The following DCHS1 variants were observed in gnomAD, a reference collection of about 807,000 sequenced individuals.
DCHS1 encodes the protein dachsous cadherin-related 1.
A neutral mutation model predicts 213.9 loss-of-function variants in DCHS1; 78 were observed. The ratio of observed to expected loss-of-function variants is 0.36; its 90% CI spans 0.30 to 0.44. The LOEUF (loss-of-function observed/expected upper bound fraction) is 0.44, where lower values mean the gene tolerates loss of function less well. DCHS1 is among the 20% of genes least tolerant of loss of function. The pLI is 1.00. For synonymous variants in DCHS1, 1,828 were observed against 1,873.7 expected, an observed-to-expected ratio of 0.98 and a Z score of 0.63; for missense variants, 3,946 against 4,395.9, an observed-to-expected ratio of 0.90 and a Z score of 2.89.
chr11:6,645,287 TGAA>T (rs1856139385), intron 1 of DCHS1, among the ~76,000 whole-genome samples: 1 of 152,104 alleles, frequency 6.6e-6, no homozygotes, highest in Non-Finnish European at 1.5e-5. Context: ...AGGCCTGATC[TGAA>T]GAAGGGAGAG....
chr11:6,623,374 G>C lies in DCHS1; in HGVS notation c.8302C>G (p.Arg2768Gly), dbSNP rs368211314. The C allele has an allele frequency of 6.3e-7, 1 of 1,597,740 alleles. No individual in the cohort carries two copies. The highest frequency in any genetic ancestry group is 1.1e-5 in the South Asian group (1 of 88,416). The change falls in exon 21 of 21, where the codon CGT (arginine) becomes GGT (glycine). Residue 2768 changes from arginine to glycine, a missense_variant. Arg to Gly is a moderately radical substitution (Grantham distance 125, BLOSUM62 -2). Around this residue, in one of 3 missense-constraint regions of DCHS1, gnomAD observed 3,384 missense variants for 3,780.1 expected, o/e 0.90. Coordinates refer to ENST00000299441, the MANE Select transcript of DCHS1 (RefSeq NM_003737.4). ...TCATAGTCAAAGGGCACTCGCGCAC[G>C]CAACTCCCCTGTTGAGCTGTTCAGT... ...FALNSSTGEL[R>G]ARVPFDYEHT...
rs565681639 is a variant in DCHS1, at chr11:6,628,229, T to C, written c.5371+392A>G. ...AAATACTGGCAAGCTGTATACTTCA[T>C]TGGCTTGTTTCACAATCATATTTTA... is the stretch of plus-strand genomic sequence containing the variant. On this transcript the variant is annotated intron_variant, in intron 13 of 20. Transcript: ENST00000299441. This position sits in a 1 kb window ranked among gnomAD's most constrained non-coding sequence, Gnocchi z 4.3. 2.0e-5 allele frequency among the ~76,000 whole-genome samples: 3 copies of C among 152,368 alleles called. No homozygotes were observed. Among genetic ancestry groups the C allele is most frequent in the African/African-American group, 4.8e-5 (2 of 41,582 alleles).
rs1468908323 is a variant in DCHS1, at chr11:6,633,875, T to A, written c.2132A>T (p.Asp711Val). 5 of 1,613,914 alleles carry A rather than the reference T, an allele frequency of 3.1e-6. No homozygotes were observed. In the East Asian group the frequency reaches 1.1e-4, roughly 36 times the overall value. ...TCGCCCATGGGATCCCTGGTCAGGG[T>A]CATGGGCACGCAACCTCAGCACAGC... Reference protein sequence around the residue: ...GTAVLRLRAHDPDQGSHGRLS... With the variant: ...GTAVLRLRAHVPDQGSHGRLS... The change falls in exon 4 of 21, where the codon GAC (aspartate) becomes GTC (valine). Residue 711 changes from aspartate to valine, a missense_variant. Physicochemically the swap from Asp to Val is radical, Grantham distance 152. This residue lies in a region of DCHS1 where 3,384 missense variants were observed against 3,780.1 expected (regional missense o/e 0.90). Transcript: ENST00000299441.
In DCHS1 at chr11:6,629,446, A is replaced by G. The variant is rs1404088614; in HGVS notation, c.5161+6T>C. 8 of 1,612,806 alleles carry G rather than the reference A, an allele frequency of 5.0e-6. No individual in the cohort carries two copies. In the South Asian group the frequency reaches 8.8e-5, roughly 18 times the overall value. On this transcript the variant is annotated splice_donor_region_variant and intron_variant, in intron 12 of 20. Coordinates refer to ENST00000299441, the MANE Select transcript of DCHS1 (RefSeq NM_003737.4). ...CTCAGGCTCTTGGGGTCCTGTCAAC[A>G]TGTACCTGTCAGGTTGATCTCCTCC...
At chr11:6,648,384 T>C (rs575689647) in intron 1 of DCHS1, among the ~76,000 whole-genome samples, 34 of 152,322 alleles carry the variant, frequency 2.2e-4, no homozygotes, top group Admixed American at 3.9e-4. Context: ...ATCGATAATG[T>C]CCAATGCTGC....
Position 6,633,942 on chromosome 11 carries a change from C to T in DCHS1, c.2065G>A (p.Glu689Lys). The T allele has an allele frequency of 6.2e-7, 1 of 1,614,000 alleles. No individual in the cohort carries two copies. The highest frequency in any genetic ancestry group is 8.5e-7 in the Non-Finnish European group (1 of 1,179,896). ...NDNPPQFYPR[E>K]YAASISAQSP... ...TGGGCACTTATACTGGCAGCATACT[C>T]CCGTGGATAAAACTGAGGAGGGTTG... The change falls in exon 4 of 21, where the codon GAG (glutamate) becomes AAG (lysine). Residue 689 changes from glutamate (E) to lysine (K), a missense_variant. Around this residue, in one of 3 missense-constraint regions of DCHS1, gnomAD observed 3,384 missense variants for 3,780.1 expected, o/e 0.90. Coordinates refer to ENST00000299441, the MANE Select transcript of DCHS1 (RefSeq NM_003737.4).
At chr11:6,654,998 C>A (rs903664969) in intron 1 of DCHS1, among the ~76,000 whole-genome samples, 12 of 152,148 alleles carry the variant, frequency 7.9e-5, no homozygotes, top group South Asian at 6.2e-4. Flanking sequence ...GTGACCCCCC[C>A]CTCCATCCAC....
rs1395277941 is a variant in DCHS1, at chr11:6,628,848, C to T, written c.5162-18G>A. On this transcript the variant is annotated intron_variant, in intron 12 of 20. Transcript: ENST00000299441. This position sits in a 1 kb window ranked among gnomAD's most constrained non-coding sequence, Gnocchi z 4.3. Reference sequence around the variant, plus strand: ...GGCATACACTGTGGGGAAGCAAAATCAATGAGGTCTAGTCTGCCCTCACCA... The same window carrying T: ...GGCATACACTGTGGGGAAGCAAAATTAATGAGGTCTAGTCTGCCCTCACCA... The T allele has an allele frequency of 6.2e-7, 1 of 1,606,212 alleles. No homozygotes were observed. The highest frequency in any genetic ancestry group is 8.5e-7 in the Non-Finnish European group (1 of 1,175,924).
chr11:6,647,339 C>A (rs1206859500), intron 1 of DCHS1, among the ~76,000 whole-genome samples: 1 of 151,986 alleles, frequency 6.6e-6, no homozygotes, highest in African/African-American at 2.4e-5. Flanking sequence ...GCGTGCTGGG[C>A]CAGAGCTGGA....
At chr11:6,645,037 G>A (rs1468840162) in intron 1 of DCHS1, among the ~76,000 whole-genome samples, 1 of 152,212 alleles carries the variant, frequency 6.6e-6, no homozygotes, top group East Asian at 1.9e-4. Flanking sequence ...CATTATGTCC[G>A]TAATCTGTAA....
At chr11:6,624,515 G>T in intron 20 of DCHS1, 125 bp from the exon 21 acceptor site, 1 of 1,302,872 alleles carries the variant, frequency 7.7e-7, no homozygotes, top group Non-Finnish European at 1.0e-6. Context: ...TATCTGCTGG[G>T]AGACAAGGGG....
chr11:6,629,784 G>T lies in DCHS1; in HGVS notation c.4923C>A (p.Asp1641Glu). ...GGAAAGTAGGCGCCTCGTCGTTGAC[G>T]TCAGCGACACTGACGGTCAGGACCT... The part of the protein sequence containing the change: ...ATQVLTVSVA[D>E]VNDEAPTFQQ... The change falls in exon 11 of 21, where the codon GAC becomes GAA. Residue 1641 changes from aspartate (D) to glutamate (E), a missense_variant. Coordinates refer to ENST00000299441, the MANE Select transcript of DCHS1 (RefSeq NM_003737.4). 6.2e-7 allele frequency: 1 copy of T among 1,613,650 alleles called. No homozygotes were observed. Among genetic ancestry groups the T allele is most frequent in the Non-Finnish European group, 8.5e-7 (1 of 1,179,898 alleles).
Position 6,624,341 on chromosome 11 carries a change from T to C in DCHS1, c.7335A>G (p.Ser2445=), listed in dbSNP as rs1478266371. 1 of 1,580,486 alleles carries C rather than the reference T, an allele frequency of 6.3e-7. No individual in the cohort carries two copies. Residue 2445 remains serine (S), a synonymous_variant, in exon 21 of 21, where the codon TCA becomes TCG. Transcript: ENST00000299441. ...CTTCCAGCACCACATCCACTGCTCC[T>C]GACCCGTCATGGCCCAAGGCCACTG... is the stretch of plus-strand genomic sequence containing the variant. The part of the protein sequence containing the change: ...VGTVALGHDG[S]GAVDVVLEAR...
intron 1 of DCHS1, among the ~76,000 whole-genome samples, chr11:6,652,131 C>T (rs1047052925): frequency 2.6e-5 from 4 of 152,056 alleles, no homozygotes; most frequent in Admixed American, 2.6e-4. Flanking sequence ...AGGAGGAGCT[C>T]CAGAAGAGAT....
chr11:6,642,093 T>C (rs186623652), intron 1 of DCHS1, among the ~76,000 whole-genome samples: 4 of 152,310 alleles, frequency 2.6e-5, no homozygotes, highest in Admixed American at 2.6e-4. Flanking sequence ...TCTATAACCA[T>C]GTATTTGGTA....
At position 6,626,776 on chromosome 11, in the gene DCHS1, G is replaced by A. The variant is rs560419283; in HGVS notation, c.6250+13C>T. ...TGGGAGTCTGAATCTGGAAGAAATGGCTGGGGACCCACCTGGGGGCGCATT... is the reference window on the plus strand; with the variant it reads ...TGGGAGTCTGAATCTGGAAGAAATGACTGGGGACCCACCTGGGGGCGCATT... On this transcript the variant is annotated intron_variant, in intron 14 of 20. Transcript: ENST00000299441. This position sits in a 1 kb window ranked among gnomAD's most constrained non-coding sequence, Gnocchi z 5.2. 14 of 1,609,794 alleles carry A rather than the reference G, an allele frequency of 8.7e-6. No homozygotes were observed. The East Asian group carries it at 1.3e-4, about 15-fold the overall frequency.
chr11:6,625,410 C>T lies in DCHS1; in HGVS notation c.6934G>A (p.Val2312Met), dbSNP rs1855779467. 1.2e-6 allele frequency: 2 copies of T among 1,608,480 alleles called. No individual in the cohort carries two copies. The highest frequency in any genetic ancestry group is 1.7e-6 in the Non-Finnish European group (2 of 1,176,788). ...TCCTGGGGCCCAGATGGGCTTAGCA[C>T]ATACCACAGCACGGGTCCTGAGTCC... is the stretch of plus-strand genomic sequence containing the variant. ...DVDSGPVLWY[V>M]LSPSGPQDPF... The change falls in exon 19 of 21, where the codon GTG becomes ATG. Residue 2312 changes from valine (V) to methionine (M), a missense_variant. Transcript: ENST00000299441. The surrounding 1 kb of genome is among the most constrained non-coding windows in gnomAD (Gnocchi z 5.3).
chr11:6,635,370 T>C (rs1564867007), intron 2 of DCHS1, among the ~76,000 whole-genome samples: 1 of 152,174 alleles, frequency 6.6e-6, no homozygotes, highest in East Asian at 1.9e-4. Context: ...GTTTTATACA[T>C]TGGGTACACA....
Position 6,630,105 on chromosome 11 carries a change from C to T in DCHS1, c.4689G>A (p.Ala1563=), listed in dbSNP as rs1344831288. 2 of 1,603,366 alleles carry T rather than the reference C, an allele frequency of 1.2e-6. No homozygotes were observed. Among genetic ancestry groups the T allele is most frequent in the Non-Finnish European group, 8.5e-7 (1 of 1,173,600 alleles). The change falls in exon 10 of 21, where the codon GCG becomes GCA. Residue 1563 remains alanine (A), a synonymous_variant. Transcript: ENST00000299441. ...GGTCCCGGGCTACCACGTGCAGGGCCGCGGGCCCAGGCGGCTGGTCCTCTG... is the reference window on the plus strand; with the variant it reads ...GGTCCCGGGCTACCACGTGCAGGGCTGCGGGCCCAGGCGGCTGGTCCTCTG... ...RLPEDQPPGP[A]ALHVVARDPD... is the part of the protein sequence containing the mutation.
Sources: gnomAD v4.1 joint callset for allele counts (sites outside exome capture counted in the v4.1 genomes callset) on GRCh38, gnomAD v4.1.1 for gene constraint, gnomAD v4.1.1 regional missense constraint, Gnocchi (gnomAD v3.1) non-coding constraint, MANE v1.5 for transcripts, NCBI Gene and HGNC (gene_info 2026-07-23, HGNC 2026-07-21) for gene names.